BEST2: variants seen among roughly 807,000 people sequenced by gnomAD.
BEST2 encodes the protein bestrophin-2a.
In BEST2, 36 loss-of-function variants were observed where a neutral mutation model predicts 49.0. That is an observed-to-expected ratio of 0.73 (90% CI 0.56 to 0.97). The LOEUF (loss-of-function observed/expected upper bound fraction) is 0.97. BEST2 is among the 50% of genes least tolerant of loss of function. The pLI, the probability that BEST2 is intolerant of heterozygous loss-of-function variation, is 0.00. For missense variants in BEST2, 672 were observed against 710.0 expected (o/e 0.95, Z 0.61); for synonymous variants, 335 against 304.4 (o/e 1.10, Z -1.05).
intron 2 of BEST2, among the ~76,000 whole-genome samples, chr19:12,753,050 C>A (rs531279376): frequency 6.6e-6 from 1 of 151,922 alleles, no homozygotes; most frequent in Non-Finnish European, 1.5e-5. Context: ...GGGGTTTCAC[C>A]GTGTTGACCA....
Position 12,753,373 on chromosome 19 carries a change from T to A in BEST2, c.247+19T>A. The A allele has an allele frequency of 6.2e-7, 1 of 1,608,452 alleles. No homozygotes were observed. The highest frequency in any genetic ancestry group is 2.2e-5 in the East Asian group (1 of 44,808). ...GTGCTTGGTGCGGTCCAACCCCAAG[T>A]CCCCCGTTCCCATGTCCCTGAGAAA... is the stretch of plus-strand genomic sequence containing the variant. On this transcript the variant is annotated intron_variant, in intron 3 of 9. Transcript: ENST00000553030.
chr19:12,754,297 C>T (rs1202139278), intron 3 of BEST2, among the ~76,000 whole-genome samples: 2 of 151,986 alleles, frequency 1.3e-5, no homozygotes, highest in Admixed American at 6.6e-5. Flanking sequence ...TGGTCTCAAA[C>T]TCCTGACCTC....
Position 12,755,437 on chromosome 19 carries a change from T to C in BEST2, c.695T>C (p.Val232Ala), listed in dbSNP as rs749247851. The change falls in exon 6 of 10, where the codon GTA becomes GCA. Residue 232 changes from valine (V) to alanine (A), a missense_variant. This residue lies in a region of BEST2 where 365 missense variants were observed against 390.9 expected (regional missense o/e 0.93). Coordinates refer to ENST00000553030, the MANE Select transcript of BEST2 (RefSeq NM_017682.3). This position sits in a 1 kb window ranked among gnomAD's most constrained non-coding sequence, Gnocchi z 4.4. ...CTCTTTCACTATGACTGGATTAGCG[T>C]ACCCCTCGTGTACACGCAGGTAACC... ...GMLFHYDWIS[V>A]PLVYTQVVTI... 6.2e-7 allele frequency: 1 copy of C among 1,614,190 alleles called. No individual in the cohort carries two copies. The highest frequency in any genetic ancestry group is 8.5e-7 in the Non-Finnish European group (1 of 1,180,030).
In BEST2 at chr19:12,752,230, G is replaced by A. The variant is rs77444151; in HGVS notation, c.-51-312G>A. Among the ~76,000 whole-genome samples, 381 of 152,028 alleles carry A rather than the reference G, an allele frequency of 2.5e-3. 16 individuals are homozygous for A. In the East Asian group the frequency reaches 0.067, roughly 27 times the overall value. ...AGAAACTCAGGTGCTGGGGACTTGC[G>A]GAATGGGGCATGCTACAGGTGGCCT... On this transcript the variant is annotated intron_variant, in intron 1 of 9. Transcript: ENST00000553030.
chr19:12,754,468 C>CG, intron 3 of BEST2, 84 bp from the exon 4 acceptor site: 1 of 1,176,094 alleles, frequency 8.5e-7, no homozygotes, highest in Non-Finnish European at 1.2e-6. Context: ...GCAGACCTTA[C>CG]GTTGCCCCCT....
chr19:12,757,735 C>T lies in BEST2; in HGVS notation c.1188C>T (p.Arg396=). 6.5e-7 allele frequency: 1 copy of T among 1,544,636 alleles called. No individual in the cohort carries two copies. Among genetic ancestry groups the T allele is most frequent in the Non-Finnish European group, 8.7e-7 (1 of 1,146,750 alleles). The change falls in exon 10 of 10, where the codon CGC becomes CGT. Residue 396 remains arginine, a synonymous_variant. Coordinates refer to ENST00000553030, the MANE Select transcript of BEST2 (RefSeq NM_017682.3). ...MGEAPGDFLQ[R]LLPAGAGMVA... ...AGGCGCCCGGCGACTTCCTGCAGCG[C>T]CTCCTGCCGGCGGGCGCGGGCATGG... is the stretch of plus-strand genomic sequence containing the variant.
chr19:12,758,268 C>A lies in BEST2; in HGVS notation c.*191C>A. 1.5e-6 allele frequency: 1 copy of A among 655,506 alleles called. No homozygotes were observed. The highest frequency in any genetic ancestry group is 2.5e-6 in the Non-Finnish European group (1 of 396,558). 40.6% of individuals were successfully genotyped at this position (655,506 alleles called of 1,614,324 possible). A position where few individuals can be genotyped will look rare whatever the true frequency, so the allele number is the denominator to read the frequency against. ...TCTTCCAGACTCTTGGACCAGCCCG[C>A]CCTGACCACCAGCTCTACTTCCCAA... On this transcript the variant is annotated 3_prime_UTR_variant, in exon 10 of 10. Transcript: ENST00000553030.
chr19:12,752,920 C>A (rs553830005), intron 2 of BEST2, among the ~76,000 whole-genome samples, 176 bp downstream of exon 2: 2 of 149,204 alleles, frequency 1.3e-5, no homozygotes, highest in African/African-American at 4.9e-5. Flanking sequence ...ATAATCTTCT[C>A]TTACTTCCAC....
chr19:12,751,923 G>A (rs1452320091), intron 1 of BEST2, 84 bp downstream of exon 1: 1 of 152,554 alleles, frequency 6.6e-6, no homozygotes, highest in Non-Finnish European at 1.5e-5. Flanking sequence ...GAGTCCTCCC[G>A]GGGCGGGGAG....
At chr19:12,754,513 G>T in intron 3 of BEST2, 39 bp from the exon 4 acceptor site, 1 of 1,433,310 alleles carries the variant, frequency 7.0e-7, no homozygotes, top group African/African-American at 1.4e-5. Flanking sequence ...CCCTGGCCCT[G>T]GTGTCCCCAC....
intron 1 of BEST2, among the ~76,000 whole-genome samples, 178 bp from the exon 2 acceptor site, chr19:12,752,364 G>A (rs1429204009): frequency 6.6e-6 from 1 of 151,944 alleles, no homozygotes; most frequent in Non-Finnish European, 1.5e-5. Context: ...AGGAGTCCAG[G>A]GAAGGGGACA....
At position 12,754,481 on chromosome 19, in the gene BEST2, C is replaced by T. The variant is rs187316068; in HGVS notation, c.248-71C>T. ...ATGCAGACCTTACGTTGCCCCCTCTCCCACAACCTGGGCCCCCAAACCCCT... is the reference window on the plus strand; with the variant it reads ...ATGCAGACCTTACGTTGCCCCCTCTTCCACAACCTGGGCCCCCAAACCCCT... On this transcript the variant is annotated intron_variant, in intron 3 of 9. Coordinates refer to ENST00000553030, the MANE Select transcript of BEST2 (RefSeq NM_017682.3). 290 of 1,301,968 alleles carry T rather than the reference C, an allele frequency of 2.2e-4. 1 individual carries two copies. The African/African-American group carries it at 2.9e-3, about 13-fold the overall frequency. 80.7% of individuals were successfully genotyped at this position (1,301,968 alleles called of 1,614,324 possible). A position where few individuals can be genotyped will look rare whatever the true frequency, so the allele number is the denominator to read the frequency against.
At position 12,757,853 on chromosome 19, in the gene BEST2, G is replaced by C. The variant is rs781407269; in HGVS notation, c.1306G>C (p.Ala436Pro). The change falls in exon 10 of 10, where the codon GCG (alanine) becomes CCG (proline). Residue 436 changes from alanine (A) to proline (P), a missense_variant. Around this residue, in one of 3 missense-constraint regions of BEST2, gnomAD observed 291 missense variants for 279.8 expected, o/e 1.04. Coordinates refer to ENST00000553030, the MANE Select transcript of BEST2 (RefSeq NM_017682.3). Reference sequence around the variant, plus strand: ...GTCTACTGGGGCCAGCTGCTCATGCGCGGTTGTCCCCGAAGGCGCGGCCCC... The same window carrying C: ...GTCTACTGGGGCCAGCTGCTCATGCCCGGTTGTCCCCGAAGGCGCGGCCCC... ...EASTGASCSC[A>P]VVPEGAAPEC... 6.5e-7 allele frequency: 1 copy of C among 1,549,262 alleles called. No individual in the cohort carries two copies. Among genetic ancestry groups the C allele is most frequent in the Non-Finnish European group, 8.7e-7 (1 of 1,146,790 alleles).
Position 12,755,637 on chromosome 19 carries a change from G to T in BEST2, c.737G>T (p.Ser246Ile), listed in dbSNP as rs1243038770. Residue 246 changes from serine to isoleucine, a missense_variant, in exon 7 of 10, where the codon AGC becomes ATC. Physicochemically the swap from Ser to Ile is moderately radical, Grantham distance 142 (BLOSUM62 -2). Transcript: ENST00000553030. The surrounding 1 kb of genome is among the most constrained non-coding windows in gnomAD (Gnocchi z 4.4). Reference protein sequence around the residue: ...YTQVVTIALYSYFLACLIGRQ... With the variant: ...YTQVVTIALYIYFLACLIGRQ... ...CAGGTGGTGACCATCGCACTGTACA[G>T]CTACTTCCTGGCTTGCCTCATTGGT... is the stretch of plus-strand genomic sequence containing the variant. 6.2e-7 allele frequency: 1 copy of T among 1,613,926 alleles called. No homozygotes were observed. The highest frequency in any genetic ancestry group is 8.5e-7 in the Non-Finnish European group (1 of 1,179,994).
Position 12,757,914 on chromosome 19 carries a change from G to C in BEST2, c.1367G>C (p.Gly456Ala). Residue 456 changes from glycine (G) to alanine (A), a missense_variant, in exon 10 of 10, where the codon GGC becomes GCC. Around this residue, in one of 3 missense-constraint regions of BEST2, gnomAD observed 291 missense variants for 279.8 expected, o/e 1.04. Coordinates refer to ENST00000553030, the MANE Select transcript of BEST2 (RefSeq NM_017682.3). The stretch of plus-strand genomic sequence containing the variant: ...TGCGGGGACCCGCTGCTCGACCCCG[G>C]CCTGCCGGAGCCCGAGGCCCCGCCC... ...CSCGDPLLDP[G>A]LPEPEAPPPA... 1 of 1,560,034 alleles carries C rather than the reference G, an allele frequency of 6.4e-7. No individual in the cohort carries two copies.
At position 12,755,946 on chromosome 19, in the gene BEST2, G is replaced by A; in HGVS notation, c.948+11G>A. The A allele has an allele frequency of 6.2e-7, 1 of 1,613,084 alleles. No individual in the cohort carries two copies. Among genetic ancestry groups the A allele is most frequent in the Non-Finnish European group, 8.5e-7 (1 of 1,178,996 alleles). On this transcript the variant is annotated intron_variant, in intron 8 of 9. Transcript: ENST00000553030. The surrounding 1 kb of genome is among the most constrained non-coding windows in gnomAD (Gnocchi z 4.4). ...GATAGAAACTTCCAGGTGAGACTCA[G>A]TTTCCAGGTGAGACTTCCAGGTGGC...
At chr19:12,757,262 A>T (rs1463562193) in intron 9 of BEST2, among the ~76,000 whole-genome samples, 2 of 151,608 alleles carry the variant, frequency 1.3e-5, no homozygotes, top group East Asian at 3.9e-4. Context: ...AAAATACAAA[A>T]ATTAGCCGGT....
chr19:12,756,013 G>C, intron 8 of BEST2, 78 bp downstream of exon 8: 1 of 1,587,944 alleles, frequency 6.3e-7, no homozygotes, highest in Non-Finnish European at 8.6e-7. Flanking sequence ...TCCCACCCCT[G>C]CCAAGTCTTG....
Position 12,755,160 on chromosome 19 carries a change from C to A in BEST2, c.636+129C>A. 8.1e-7 allele frequency: 1 copy of A among 1,239,258 alleles called. No individual in the cohort carries two copies. 76.8% of individuals were successfully genotyped at this position (1,239,258 alleles called of 1,614,324 possible). A position where few individuals can be genotyped will look rare whatever the true frequency, so the allele number is the denominator to read the frequency against. On this transcript the variant is annotated intron_variant, in intron 5 of 9. Coordinates refer to ENST00000553030, the MANE Select transcript of BEST2 (RefSeq NM_017682.3). The surrounding 1 kb of genome is among the most constrained non-coding windows in gnomAD (Gnocchi z 4.4). ...AACACCCTCACCAGGTGCACTCTTA[C>A]CTCCATGGGGCTGATTCCAATGCCC...
Sources: gnomAD v4.1 joint callset for allele counts (sites outside exome capture counted in the v4.1 genomes callset) on GRCh38, gnomAD v4.1.1 for gene constraint, gnomAD v4.1.1 regional missense constraint, Gnocchi (gnomAD v3.1) non-coding constraint, MANE v1.5 for transcripts, NCBI Gene and HGNC (gene_info 2026-07-23, HGNC 2026-07-21) for gene names.